PPFIA3: variants seen among roughly 807,000 people sequenced by gnomAD.
PPFIA3 encodes liprin-alpha-3.
In PPFIA3, 26 loss-of-function variants were observed where a neutral mutation model predicts 145.8. That is an observed-to-expected ratio of 0.18 (90% CI 0.13 to 0.25). The LOEUF (loss-of-function observed/expected upper bound fraction) is 0.25, where lower values mean the gene tolerates loss of function less well. Among genes scored for constraint, PPFIA3 ranks in the 10% least tolerant of loss-of-function variants. The probability of loss-of-function intolerance (pLI) is 1.00; values close to 1 mark genes in which losing one functional copy is unlikely to be tolerated. For synonymous variants in PPFIA3, 645 were observed against 661.4 expected (o/e 0.98, Z 0.38); for missense variants, 1,008 against 1,587.8 (o/e 0.63, Z 6.21).
At chr19:49,134,984 C>A in intron 13 of PPFIA3, 69 bp downstream of exon 13, 1 of 1,315,482 alleles carries the variant, frequency 7.6e-7, no homozygotes, top group Non-Finnish European at 1.0e-6. Flanking sequence ...CTCCTCCCTT[C>A]TGATCCCCAC....
At position 49,135,854 on chromosome 19, in the gene PPFIA3, C is replaced by T. The variant is rs1257777692; in HGVS notation, c.1596C>T (p.Pro532=). The T allele has an allele frequency of 1.9e-6, 3 of 1,613,916 alleles. No individual in the cohort carries two copies. In the African/African-American group the frequency reaches 4.0e-5, roughly 22 times the overall value. ...TACCTTCTGGTGCCCACCTGGATCC[C>T]TATGTGGCTGGCAGTGGTCGGGCAG... ...PTLPSGAHLD[P]YVAGSGRAGK... is the part of the protein sequence containing the mutation. The change falls in exon 14 of 30, where the codon CCC becomes CCT. Residue 532 remains proline (P), a synonymous_variant. Transcript: ENST00000334186.
chr19:49,146,515 G>A, intron 23 of PPFIA3: 1 of 451,762 alleles, frequency 2.2e-6, no homozygotes, highest in Non-Finnish European at 4.0e-6. Context: ...AGTGGAGGGG[G>A]CGGGGGCTAC....
Position 49,146,273 on chromosome 19 carries a change from T to C in PPFIA3, c.2835+81T>C. 3 of 1,509,914 alleles carry C rather than the reference T, an allele frequency of 2.0e-6. No individual in the cohort carries two copies. In the South Asian group the frequency reaches 3.7e-5, roughly 19 times the overall value. 93.5% of individuals were successfully genotyped at this position (1,509,914 alleles called of 1,614,324 possible). On this transcript the variant is annotated intron_variant, in intron 23 of 29. Transcript: ENST00000334186. The stretch of plus-strand genomic sequence containing the variant: ...ATGCCCCTCCTCCGAGCCCTGCCCC[T>C]GCCTTCACCAGAACATGCCATCATC...
rs1164201515 is a variant in PPFIA3, at chr19:49,133,894, G to A, written c.1245+15G>A. 1 of 1,612,702 alleles carries A rather than the reference G, an allele frequency of 6.2e-7. No individual in the cohort carries two copies. The highest frequency in any genetic ancestry group is 2.2e-5 in the East Asian group (1 of 44,844). On this transcript the variant is annotated intron_variant, in intron 10 of 29. Transcript: ENST00000334186. This position sits in a 1 kb window ranked among gnomAD's most constrained non-coding sequence, Gnocchi z 7.2. ...AGCTGCAGCGGGTGAGGGGGCGGAA[G>A]ACTGCACAGAGGGTGGGGCTTCGAG...
intron 23 of PPFIA3, among the ~76,000 whole-genome samples, chr19:49,146,648 G>A (rs963154011): frequency 6.6e-6 from 1 of 152,172 alleles, no homozygotes; most frequent in Non-Finnish European, 1.5e-5. Flanking sequence ...AACAAGAGGC[G>A]GCCGGGCGCA....
intron 20 of PPFIA3, among the ~76,000 whole-genome samples, chr19:49,142,559 C>A (rs2041235945): frequency 6.7e-6 from 1 of 148,692 alleles, no homozygotes. Context: ...CTTTCTCTCT[C>A]CCTCTCCCTC....
chr19:49,138,377 A>G lies in PPFIA3; in HGVS notation c.2026A>G (p.Thr676Ala). ...SPSPPSSGHSTPRLAPPSPAR... is the reference protein window; with the variant it reads ...SPSPPSSGHSAPRLAPPSPAR... ...CTCCCCTCCCAGCTCTGGCCACTCA[A>G]CACCCCGCCTGGCACCCCCTAGCCC... Residue 676 changes from threonine to alanine, a missense_variant, in exon 16 of 30, where the codon ACA becomes GCA. Around this residue, in one of 11 missense-constraint regions of PPFIA3, gnomAD observed 202 missense variants for 241.8 expected, o/e 0.84. Coordinates refer to ENST00000334186, the MANE Select transcript of PPFIA3 (RefSeq NM_003660.4). 1 of 1,596,830 alleles carries G rather than the reference A, an allele frequency of 6.3e-7. No individual in the cohort carries two copies. The highest frequency in any genetic ancestry group is 1.1e-5 in the South Asian group (1 of 89,712).
intron 1 of PPFIA3, among the ~76,000 whole-genome samples, chr19:49,126,515 T>C (rs1186534572): frequency 6.6e-6 from 1 of 151,508 alleles, no homozygotes; most frequent in Non-Finnish European, 1.5e-5. Context: ...CCTCCCAAAG[T>C]GCTGGGATTA....
rs2040915839 is a variant in PPFIA3, at chr19:49,120,029, C to T, written c.-16+307C>T. On this transcript the variant is annotated intron_variant, in intron 1 of 29. Transcript: ENST00000334186. This position sits in a 1 kb window ranked among gnomAD's most constrained non-coding sequence, Gnocchi z 4.6. ...CCCCTTCCTGACCCTGTCCTGGGAG[C>T]TCCAGACACCCGCCGCGGCGGTGCC... Among the ~76,000 whole-genome samples, 1 of 152,004 alleles carries T rather than the reference C, an allele frequency of 6.6e-6. No homozygotes were observed. Among genetic ancestry groups the T allele is most frequent in the South Asian group, 2.1e-4 (1 of 4,832 alleles).
rs117880896 is a variant in PPFIA3 at position 49,138,394 on chromosome 19, C to T, written c.2043C>T (p.Pro681=). The change falls in exon 16 of 30, where the codon CCC becomes CCT. Residue 681 remains proline (P), a synonymous_variant. Transcript: ENST00000334186. ...GCCACTCAACACCCCGCCTGGCACC[C>T]CCTAGCCCTGCCCGTGAGGGCACCG... The part of the protein sequence containing the change: ...SSGHSTPRLA[P]PSPAREGTDK... 69,115 of 1,576,682 alleles carry T rather than the reference C, an allele frequency of 0.044. 1,729 individuals carry two copies. Among genetic ancestry groups the T allele is most frequent in the Non-Finnish European group, 0.052 (59,756 of 1,159,192 alleles).
In PPFIA3 at chr19:49,150,258, A is replaced by C; in HGVS notation, c.*36A>C. 2 of 1,069,804 alleles carry C rather than the reference A, an allele frequency of 1.9e-6. No individual in the cohort carries two copies. Among genetic ancestry groups the C allele is most frequent in the South Asian group, 1.5e-5 (1 of 66,446 alleles). The allele number at this position is 1,069,804 out of a possible 1,614,324, so 66.3% of individuals were successfully genotyped here. A position where few individuals can be genotyped will look rare whatever the true frequency, so the allele number is the denominator to read the frequency against. On this transcript the variant is annotated 3_prime_UTR_variant, in exon 30 of 30. Transcript: ENST00000334186. ...CAGGTGACCTCACTCGGACGGAAGA[A>C]TCTTCCCGAGGCTGGGCTGTTCCCT...
rs146646449 is a variant in PPFIA3, at chr19:49,135,887, G to A, written c.1629G>A (p.Arg543=). Residue 543 remains arginine (R), a synonymous_variant, in exon 14 of 30, where the codon AGG becomes AGA. Transcript: ENST00000334186. The stretch of plus-strand genomic sequence containing the variant: ...CTGGCAGTGGTCGGGCAGGCAAGAG[G>A]GGCCGCTGGTCAGGGGTCAAGGAGG... ...YVAGSGRAGK[R]GRWSGVKEEP... The A allele has an allele frequency of 8.6e-4, 1,385 of 1,613,396 alleles. 13 individuals are homozygous for A. Among genetic ancestry groups the A allele is most frequent in the Middle Eastern group, 7.1e-3 (43 of 6,054 alleles).
At chr19:49,127,777 G>T in intron 1 of PPFIA3, 82 bp from the exon 2 acceptor site, 1 of 1,507,740 alleles carries the variant, frequency 6.6e-7, no homozygotes. Flanking sequence ...TTTCCCCTAC[G>T]TGGTATCCGA....
At position 49,120,853 on chromosome 19, in the gene PPFIA3, C is replaced by T. The variant is rs2040928876; in HGVS notation, c.-16+1131C>T. Among the ~76,000 whole-genome samples, 1 of 152,202 alleles carries T rather than the reference C, an allele frequency of 6.6e-6. No homozygotes were observed. ...CTTTTACTGAGGCTGTCTGCCTCAA[C>T]CCTCTCTCCAAACAAGACCTCAGGC... On this transcript the variant is annotated intron_variant, in intron 1 of 29. Coordinates refer to ENST00000334186, the MANE Select transcript of PPFIA3 (RefSeq NM_003660.4). The surrounding 1 kb of genome is among the most constrained non-coding windows in gnomAD (Gnocchi z 4.6).
intron 11 of PPFIA3, 143 bp downstream of exon 11, chr19:49,134,308 C>A: frequency 8.5e-7 from 1 of 1,172,958 alleles, no homozygotes; most frequent in Non-Finnish European, 1.2e-6. Context: ...GCCTTCTCTG[C>A]TCTATTGCCC....
intron 23 of PPFIA3, among the ~76,000 whole-genome samples, chr19:49,147,330 C>A (rs892916805): frequency 1.1e-4 from 17 of 152,054 alleles, no homozygotes; most frequent in African/African-American, 4.1e-4. Flanking sequence ...GGCAGGAGGA[C>A]CGCTTGAGCC....
At chr19:49,131,602 G>A (rs929078286) in intron 7 of PPFIA3, among the ~76,000 whole-genome samples, 3 of 151,994 alleles carry the variant, frequency 2.0e-5, no homozygotes, top group Non-Finnish European at 2.9e-5. Context: ...GGCAGTGGAT[G>A]AGAAAGAAGA....
rs2041054864 is a variant in PPFIA3 at position 49,130,469 on chromosome 19, G to A, written c.749G>A (p.Cys250Tyr). 1.2e-6 allele frequency: 2 copies of A among 1,607,608 alleles called. No homozygotes were observed. Among genetic ancestry groups the A allele is most frequent in the South Asian group, 2.2e-5 (2 of 89,848 alleles). Residue 250 changes from cysteine to tyrosine, a missense_variant, in exon 7 of 30, where the codon TGC (cysteine) becomes TAC (tyrosine). Around this residue, in one of 11 missense-constraint regions of PPFIA3, gnomAD observed 136 missense variants for 160.7 expected, o/e 0.85. Transcript: ENST00000334186. This position sits in a 1 kb window ranked among gnomAD's most constrained non-coding sequence, Gnocchi z 4.5. ...CTGGAGCGGCAGCGCGCCGAGGTGT[G>A]CCAGCTGCGGGAGCGCCTGGCGGTG... ...EALERQRAEV[C>Y]QLRERLAVLC...
In PPFIA3 at chr19:49,120,159, C is replaced by T. The variant is rs1469822491; in HGVS notation, c.-16+437C>T. Among the ~76,000 whole-genome samples the T allele has an allele frequency of 6.6e-6, 1 of 152,104 alleles. No individual in the cohort carries two copies. Among genetic ancestry groups the T allele is most frequent in the Non-Finnish European group, 1.5e-5 (1 of 67,992 alleles). ...CTGCGTCCCACGGTCCAGGCAGGCT[C>T]GGCGGCCGCCCTGGACACAGGCCCG... On this transcript the variant is annotated intron_variant, in intron 1 of 29. Transcript: ENST00000334186. This position sits in a 1 kb window ranked among gnomAD's most constrained non-coding sequence, Gnocchi z 4.6.
Sources: gnomAD v4.1 joint callset for allele counts (sites outside exome capture counted in the v4.1 genomes callset) on GRCh38, gnomAD v4.1.1 for gene constraint, gnomAD v4.1.1 regional missense constraint, Gnocchi (gnomAD v3.1) non-coding constraint, MANE v1.5 for transcripts, NCBI Gene and HGNC (gene_info 2026-07-23, HGNC 2026-07-21) for gene names.